Variants in KIR3DL2 observed in about 807,000 individuals in gnomAD.
KIR3DL2 encodes killer cell immunoglobulin like receptor, three Ig domains and long cytoplasmic tail 2.
In KIR3DL2, 42 loss-of-function variants were observed where a neutral mutation model predicts 41.6. That is an observed-to-expected ratio of 1.01 (90% CI 0.79 to 1.31). The LOEUF is 1.31. Ranked by LOEUF, KIR3DL2 falls within the 50% of genes most tolerant of loss-of-function variation. The probability of loss-of-function intolerance (pLI) is 0.00; values close to 1 mark genes in which losing one functional copy is unlikely to be tolerated. For missense variants in KIR3DL2, 728 were observed against 576.8 expected (o/e 1.26, Z -2.68); for synonymous variants, 230 against 221.3 (o/e 1.04, Z -0.35).
At chr19:54,862,844 CT>C (rs1206588457) in intron 6 of KIR3DL2, among the ~76,000 whole-genome samples, 8 of 72,702 alleles carry the variant, frequency 1.1e-4, no homozygotes, top group African/African-American at 4.4e-4. Flanking sequence ...TTCTGATGAG[CT>C]TTTTTTTAAA....
chr19:54,865,291 C>T (rs181082387), intron 6 of KIR3DL2, among the ~76,000 whole-genome samples: 14 of 152,128 alleles, frequency 9.2e-5, no homozygotes, highest in East Asian at 5.8e-4. Flanking sequence ...TTTCCTGTGA[C>T]GGCCTCAGGC....
At chr19:54,853,386 C>T (rs897216803) in intron 3 of KIR3DL2, among the ~76,000 whole-genome samples, 21 of 151,826 alleles carry the variant, frequency 1.4e-4, no homozygotes, top group African/African-American at 5.1e-4. Flanking sequence ...CCAGAGACTC[C>T]AATTTGTTCA....
At chr19:54,866,462 T>C in intron 8 of KIR3DL2, 40 bp downstream of exon 8, 1 of 1,613,802 alleles carries the variant, frequency 6.2e-7, no homozygotes. Context: ...TACAGTCTTA[T>C]CCCTAATAGT....
In KIR3DL2 at chr19:54,850,458, G is replaced by T; in HGVS notation, c.-18G>T. The T allele has an allele frequency of 6.2e-7, 1 of 1,608,626 alleles. No homozygotes were observed. Among genetic ancestry groups the T allele is most frequent in the Non-Finnish European group, 8.5e-7 (1 of 1,179,920 alleles). The stretch of plus-strand genomic sequence containing the variant: ...GAGCTGAGCTGGGGCGCGGCCTCCT[G>T]TCTGCACCGGCAGCACCATGTCGCT... On this transcript the variant is annotated 5_prime_UTR_variant, in exon 1 of 9. Transcript: ENST00000326321.
At position 54,851,993 on chromosome 19, in the gene KIR3DL2, C is replaced by T. The variant is rs1449389081; in HGVS notation, c.71-5C>T. ...TCTCTAAGGCAGTGCCTCCTTCTCC[C>T]CCAGGTGGTCAGGACAAACCCTTCC... On this transcript the variant is annotated splice_polypyrimidine_tract_variant and splice_region_variant and intron_variant, in intron 2 of 8. Transcript: ENST00000326321. 1 of 1,608,350 alleles carries T rather than the reference C, an allele frequency of 6.2e-7. No homozygotes were observed. The highest frequency in any genetic ancestry group is 8.5e-7 in the Non-Finnish European group (1 of 1,176,900).
intron 5 of KIR3DL2, among the ~76,000 whole-genome samples, chr19:54,857,017 C>G (rs796792000): frequency 6.6e-6 from 1 of 151,994 alleles, no homozygotes; most frequent in Non-Finnish European, 1.5e-5. Flanking sequence ...GATATCACTT[C>G]GATACACTGA....
intron 4 of KIR3DL2, among the ~76,000 whole-genome samples, chr19:54,855,199 C>T (rs2064643433): frequency 6.6e-6 from 1 of 150,874 alleles, no homozygotes; most frequent in Non-Finnish European, 1.5e-5. Flanking sequence ...GATGGATAGA[C>T]AGATAGACAA....
At chr19:54,854,267 G>A (rs1161734057) in intron 4 of KIR3DL2, among the ~76,000 whole-genome samples, 2 of 151,784 alleles carry the variant, frequency 1.3e-5, no homozygotes, top group Non-Finnish European at 2.9e-5. Context: ...CGGGGAAGTA[G>A]AAAAGAGAGA....
At chr19:54,857,809 G>A (rs1221601199) in intron 5 of KIR3DL2, among the ~76,000 whole-genome samples, 1 of 151,724 alleles carries the variant, frequency 6.6e-6, no homozygotes, top group Non-Finnish European at 1.5e-5. Flanking sequence ...GCCTCCCAAA[G>A]TGCTGGAATT....
rs1461440058 is a variant in KIR3DL2, at chr19:54,865,918, C to T, written c.1105+9C>T. The T allele has an allele frequency of 5.4e-5, 86 of 1,607,016 alleles. No individual in the cohort carries two copies. Among genetic ancestry groups the T allele is most frequent in the Non-Finnish European group, 7.2e-5 (85 of 1,174,330 alleles). On this transcript the variant is annotated intron_variant, in intron 7 of 8. Coordinates refer to ENST00000326321, the MANE Select transcript of KIR3DL2 (RefSeq NM_006737.4). ...GTGCTCCAACAAAAAGAGTAAGTCT[C>T]ACGAAGCAGAGGCCAGAGAGCTCAG...
In KIR3DL2 at chr19:54,852,219, T is replaced by A. The variant is rs199603670; in HGVS notation, c.292T>A (p.Ser98Thr). Residue 98 changes from serine (S) to threonine (T), a missense_variant, in exon 3 of 9, where the codon TCA becomes ACA. Physicochemically the swap from Ser to Thr is moderately conservative, Grantham distance 58. Transcript: ENST00000326321. Reference sequence around the variant, plus strand: ...TGCAGGGACCTACAGATGTCGGGGTTCACGCCCACACTCCCTCACTGGGTG... The same window carrying A: ...TGCAGGGACCTACAGATGTCGGGGTACACGCCCACACTCCCTCACTGGGTG... ...AHAGTYRCRG[S>T]RPHSLTGWSA... 1.7e-4 allele frequency: 280 copies of A among 1,611,782 alleles called. 2 individuals are homozygous for A. In the East Asian group the frequency reaches 3.3e-3, roughly 19 times the overall value.
chr19:54,853,776 C>G lies in KIR3DL2; in HGVS notation c.385C>G (p.His129Asp). The part of the protein sequence containing the change: ...GNHRKPSLLA[H>D]PGPLLKSGET... ...CCACAGAAAACCTTCCCTCCTGGCC[C>G]ACCCAGGGCCCCTGCTGAAATCAGG... Residue 129 changes from histidine to aspartate, a missense_variant, in exon 4 of 9, where the codon CAC becomes GAC. By Grantham distance (81) the His-to-Asp change is moderately conservative (BLOSUM62 -1). Transcript: ENST00000326321. The G allele has an allele frequency of 6.2e-7, 1 of 1,611,316 alleles. No homozygotes were observed. Among genetic ancestry groups the G allele is most frequent in the Non-Finnish European group, 8.5e-7 (1 of 1,178,510 alleles).
chr19:54,857,070 A>G (rs1241941728), intron 5 of KIR3DL2, among the ~76,000 whole-genome samples: 1 of 150,210 alleles, frequency 6.7e-6, no homozygotes, highest in African/African-American at 2.5e-5. Flanking sequence ...AAATTGCTGG[A>G]CACTATGAAA....
At chr19:54,852,429 G>C (rs1474108446) in intron 3 of KIR3DL2, 147 bp downstream of exon 3, 35 of 1,058,332 alleles carry the variant, frequency 3.3e-5, no homozygotes, top group Non-Finnish European at 4.3e-5. Flanking sequence ...TGGGTGCTGT[G>C]GTGGGAAGAA....
Position 54,855,734 on chromosome 19 carries a change from G to A in KIR3DL2, c.771G>A (p.Arg257=). 6.2e-7 allele frequency: 1 copy of A among 1,613,552 alleles called. No individual in the cohort carries two copies. The highest frequency in any genetic ancestry group is 8.5e-7 in the Non-Finnish European group (1 of 1,179,954). The change falls in exon 5 of 9, where the codon AGG becomes AGA. Residue 257 remains arginine (R), a synonymous_variant. Coordinates refer to ENST00000326321, the MANE Select transcript of KIR3DL2 (RefSeq NM_006737.4). ...WSSYDIYHLS[R]EGEAHERRLR... ...CCTATGACATCTACCATCTGTCCAG[G>A]GAAGGGGAGGCCCATGAACGTAGGC...
chr19:54,866,701 A>C lies in KIR3DL2; in HGVS notation c.1338A>C (p.Ala446=). 6.2e-7 allele frequency: 1 copy of C among 1,613,950 alleles called. No individual in the cohort carries two copies. The highest frequency in any genetic ancestry group is 8.5e-7 in the Non-Finnish European group (1 of 1,179,954). The part of the protein sequence containing the change: ...PRSKVVSCPR[A]PQSGLEGVF Reference sequence around the variant, plus strand: ...CCAAAGTTGTCTCCTGCCCACGAGCACCACAGTCAGGTCTTGAGGGGGTTT... The same window carrying C: ...CCAAAGTTGTCTCCTGCCCACGAGCCCCACAGTCAGGTCTTGAGGGGGTTT... Residue 446 remains alanine, a synonymous_variant, in exon 9 of 9, where the codon GCA becomes GCC. Transcript: ENST00000326321.
At chr19:54,858,934 A>G (rs2064985420) in intron 5 of KIR3DL2, 145 bp from the exon 6 acceptor site, 1 of 920,514 alleles carries the variant, frequency 1.1e-6, no homozygotes, top group East Asian at 2.4e-5. Context: ...CATCGCACAC[A>G]AAAATTATGG....
rs1323715811 is a variant in KIR3DL2 at position 54,855,814 on chromosome 19, C to T, written c.851C>T (p.Pro284Leu). Residue 284 changes from proline (P) to leucine (L), a missense_variant, in exon 5 of 9, where the codon CCT becomes CTT. By Grantham distance (98) the Pro-to-Leu change is moderately conservative (BLOSUM62 -3). Transcript: ENST00000326321. ...TTCCAGGCAGACTTTCCTCTGGGCC[C>T]TGCCACCCACGGAGGGACCTACAGA... ...RTFQADFPLG[P>L]ATHGGTYRCF... The T allele has an allele frequency of 1.2e-6, 2 of 1,613,414 alleles. No homozygotes were observed. The highest frequency in any genetic ancestry group is 2.7e-5 in the African/African-American group (2 of 74,474).
rs1365760502 is a variant in KIR3DL2, at chr19:54,858,499, C to A, written c.950-580C>A. Among the ~76,000 whole-genome samples the A allele has an allele frequency of 3.3e-5, 5 of 150,130 alleles. No individual in the cohort carries two copies. In the South Asian group the frequency reaches 6.3e-4, roughly 19 times the overall value. ...ATTCCAGCACTTTGGGAGGCCGAGG[C>A]GGGTGGATCACCTAAAGCCAGGAGT... On this transcript the variant is annotated intron_variant, in intron 5 of 8. Coordinates refer to ENST00000326321, the MANE Select transcript of KIR3DL2 (RefSeq NM_006737.4).
Sources: allele counts gnomAD v4.1 joint callset (sites outside exome capture counted in the v4.1 genomes callset), GRCh38; gene constraint gnomAD v4.1.1; transcripts MANE v1.5; gene names NCBI Gene and HGNC (gene_info 2026-07-23, HGNC 2026-07-21).